Variants in ZFAND3 observed in about 807,000 individuals in gnomAD.
The protein encoded by ZFAND3 is AN1-type zinc finger protein 3.
Under a neutral mutation model 29.6 loss-of-function variants are expected in ZFAND3, and 10 were observed. The ratio of observed to expected loss-of-function variants is 0.34; its 90% CI spans 0.21 to 0.57. ZFAND3 has a LOEUF of 0.57. ZFAND3 is among the 20% of genes least tolerant of loss of function. The pLI is 0.86. For missense variants in ZFAND3, 230 were observed against 304.5 expected, an observed-to-expected ratio of 0.76 and a Z score of 1.82; for synonymous variants, 128 against 112.6, an observed-to-expected ratio of 1.14 and a Z score of -0.87.
chr6:38,006,686 G>A (rs1284661892), intron 2 of ZFAND3, among the ~76,000 whole-genome samples: 1 of 137,982 alleles, frequency 7.2e-6, no homozygotes, highest in African/African-American at 2.7e-5. Context: ...TTAATTGATG[G>A]TTTTGGCTCA....
At chr6:38,126,785 C>G (rs1765642472) in intron 5 of ZFAND3, among the ~76,000 whole-genome samples, 1 of 151,654 alleles carries the variant, frequency 6.6e-6, no homozygotes, top group African/African-American at 2.4e-5. Flanking sequence ...TGTAACTCAT[C>G]AATATGATAT....
At chr6:37,840,167 G>A (rs1764046320) in intron 1 of ZFAND3, among the ~76,000 whole-genome samples, 1 of 151,324 alleles carries the variant, frequency 6.6e-6, no homozygotes, top group African/African-American at 2.4e-5. Context: ...GCGCGATCTC[G>A]GCTCAGTGCA....
Position 37,954,503 on chromosome 6 carries a change from A to G in ZFAND3, c.112+24504A>G, listed in dbSNP as rs187382710. Reference sequence around the variant, plus strand: ...CTCACATGCTACAGTTTCCATCTCTAGAAGGCCAGTTGGGTCTTTTATATT... The same window carrying G: ...CTCACATGCTACAGTTTCCATCTCTGGAAGGCCAGTTGGGTCTTTTATATT... On this transcript the variant is annotated intron_variant, in intron 2 of 5. Transcript: ENST00000287218. 3.9e-4 allele frequency among the ~76,000 whole-genome samples: 59 copies of G among 152,276 alleles called. 1 individual carries two copies. Among genetic ancestry groups the G allele is most frequent in the Middle Eastern group, 3.4e-3 (1 of 294 alleles).
At chr6:38,133,072 G>A (rs1222412804) in intron 5 of ZFAND3, among the ~76,000 whole-genome samples, 3 of 152,190 alleles carry the variant, frequency 2.0e-5, no homozygotes, top group African/African-American at 4.8e-5. Context: ...TCTCAGTGAG[G>A]CCCTCACAAA....
At chr6:37,971,164 G>T (rs578103828) in intron 2 of ZFAND3, among the ~76,000 whole-genome samples, 4 of 152,200 alleles carry the variant, frequency 2.6e-5, no homozygotes, top group South Asian at 2.1e-4. Flanking sequence ...TGTGCTTTAC[G>T]TTGAACAAAG....
chr6:38,006,413 G>A (rs747282575), intron 2 of ZFAND3, among the ~76,000 whole-genome samples: 8 of 152,090 alleles, frequency 5.3e-5, no homozygotes, highest in Admixed American at 1.3e-4. Context: ...CTAATTAAGA[G>A]GCTGTCCTTT....
rs1197175922 is a variant in ZFAND3, at chr6:37,977,877, T to C, written c.112+47878T>C. On this transcript the variant is annotated intron_variant, in intron 2 of 5. Transcript: ENST00000287218. ...CTTCCTTCCTTCCTTCCTTTCCTTCTTCCTTCCTTTCTCTCCTCTCCTCTC... is the reference window on the plus strand; with the variant it reads ...CTTCCTTCCTTCCTTCCTTTCCTTCCTCCTTCCTTTCTCTCCTCTCCTCTC... 1.5e-3 allele frequency among the ~76,000 whole-genome samples: 214 copies of C among 140,232 alleles called. 1 individual carries two copies. Among genetic ancestry groups the C allele is most frequent in the Middle Eastern group, 3.5e-3 (1 of 288 alleles). The allele number at this position is 140,232 out of a possible 152,430, so 92.0% of individuals were successfully genotyped here.
chr6:38,025,495 T>G (rs1210986998), intron 2 of ZFAND3, among the ~76,000 whole-genome samples: 3 of 152,232 alleles, frequency 2.0e-5, no homozygotes, highest in Non-Finnish European at 2.9e-5. Context: ...AAAGTATACA[T>G]GAAGATATTG....
At chr6:38,007,349 C>T (rs754789759) in intron 2 of ZFAND3, among the ~76,000 whole-genome samples, 1 of 152,038 alleles carries the variant, frequency 6.6e-6, no homozygotes, top group Non-Finnish European at 1.5e-5. Flanking sequence ...CGCTTGAGCT[C>T]AGGAGTTCAG....
At chr6:38,009,095 A>G (rs757335291) in intron 2 of ZFAND3, among the ~76,000 whole-genome samples, 3 of 152,222 alleles carry the variant, frequency 2.0e-5, no homozygotes, top group Non-Finnish European at 4.4e-5. Flanking sequence ...GGAAAACCGA[A>G]TGGAAGACCT....
At position 38,104,006 on chromosome 6, in the gene ZFAND3, A is replaced by G. The variant is rs118074337; in HGVS notation, c.362-12566A>G. ...TGAGAACTGAAAACTTTATGAGAAA[A>G]AAGTAATATAGTTGGGCAGGCAGGA... On this transcript the variant is annotated intron_variant, in intron 4 of 5. Transcript: ENST00000287218. 1.1e-4 allele frequency among the ~76,000 whole-genome samples: 16 copies of G among 152,354 alleles called. No individual in the cohort carries two copies. In the East Asian group the frequency reaches 2.9e-3, roughly 28 times the overall value.
intron 3 of ZFAND3, among the ~76,000 whole-genome samples, chr6:38,081,835 A>G (rs1341013507): frequency 1.3e-5 from 2 of 152,086 alleles, no homozygotes; most frequent in Non-Finnish European, 2.9e-5. Context: ...CATATTTCTT[A>G]TAATGAAACT....
chr6:37,863,568 C>T (rs1375547714), intron 1 of ZFAND3, among the ~76,000 whole-genome samples: 1 of 151,170 alleles, frequency 6.6e-6, no homozygotes, highest in Non-Finnish European at 1.5e-5. Flanking sequence ...TAATGATGAC[C>T]TGTTTTAGTG....
intron 2 of ZFAND3, among the ~76,000 whole-genome samples, chr6:37,961,975 G>A (rs1197191754): frequency 6.6e-6 from 1 of 152,136 alleles, no homozygotes; most frequent in African/African-American, 2.4e-5. Context: ...GCAAGTATCA[G>A]GATGATTGAG....
chr6:38,011,116 A>G (rs1037626565), intron 2 of ZFAND3, among the ~76,000 whole-genome samples: 1 of 151,948 alleles, frequency 6.6e-6, no homozygotes, highest in African/African-American at 2.4e-5. Context: ...TTCGCATAAT[A>G]CGTTTGGGAC....
chr6:37,936,569 A>G (rs1314285286), intron 2 of ZFAND3, among the ~76,000 whole-genome samples: 2 of 152,050 alleles, frequency 1.3e-5, no homozygotes, highest in Non-Finnish European at 2.9e-5. Flanking sequence ...TTCATTTAAG[A>G]CTAACTTTTA....
intron 2 of ZFAND3, among the ~76,000 whole-genome samples, chr6:37,934,023 G>T (rs1761647899): frequency 6.6e-6 from 1 of 150,420 alleles, no homozygotes; most frequent in African/African-American, 2.5e-5. Context: ...AAGTAGCTGG[G>T]ATTACAGGCG....
chr6:37,849,671 A>G (rs897062775), intron 1 of ZFAND3, among the ~76,000 whole-genome samples: 1 of 152,248 alleles, frequency 6.6e-6, no homozygotes, highest in Admixed American at 6.5e-5. Flanking sequence ...CAGCCTCCCA[A>G]AGTGCTGGGA....
At chr6:38,045,104 T>TTATTTATC (rs57678196) in intron 2 of ZFAND3, among the ~76,000 whole-genome samples, 1 of 148,962 alleles carries the variant, frequency 6.7e-6, no homozygotes, top group Non-Finnish European at 1.5e-5. Flanking sequence ...ATTTATTTAT[T>TTATTTATC]GAGATGGAAT....
Sources: gnomAD v4.1 joint callset for allele counts (sites outside exome capture counted in the v4.1 genomes callset) on GRCh38, gnomAD v4.1.1 for gene constraint, MANE v1.5 for transcripts, NCBI Gene and HGNC (gene_info 2026-07-23, HGNC 2026-07-21) for gene names.